Variants in HIF1AN observed in about 807,000 individuals in gnomAD.
HIF1AN encodes the protein hypoxia-inducible factor 1-alpha inhibitor.
HIF1AN carries 21 observed loss-of-function variants against 47.7 expected under a neutral mutation model. The ratio of observed to expected loss-of-function variants is 0.44; its 90% confidence interval spans 0.31 to 0.63. HIF1AN has a LOEUF of 0.63. Among genes scored for constraint, HIF1AN ranks in the 30% least tolerant of loss-of-function variants. The probability of loss-of-function intolerance (pLI) is 0.07; values close to 1 mark genes in which losing one functional copy is unlikely to be tolerated. For synonymous variants in HIF1AN, 152 were observed against 155.9 expected (o/e 0.98, Z 0.18); for missense variants, 320 against 432.7 (o/e 0.74, Z 2.31).
chr10:100,546,660 A>G, intron 6 of HIF1AN, 79 bp downstream of exon 6: 1 of 1,077,898 alleles, frequency 9.3e-7, no homozygotes, highest in South Asian at 1.3e-5. Context: ...ATGATTTTGG[A>G]TGGGATGGTT....
chr10:100,546,394 A>G (rs1843093879), intron 5 of HIF1AN, 124 bp from the exon 6 acceptor site: 4 of 733,482 alleles, frequency 5.5e-6, no homozygotes, highest in Admixed American at 2.3e-5. Context: ...TATTGTCTTC[A>G]CTATTTTCCG....
chr10:100,545,329 C>T (rs1435958184), intron 4 of HIF1AN: 1 of 459,590 alleles, frequency 2.2e-6, no homozygotes, highest in East Asian at 3.2e-5. Context: ...TCAGGACAGA[C>T]ACTGTCATTG....
chr10:100,546,196 A>C, intron 5 of HIF1AN, 147 bp downstream of exon 5: 1 of 650,782 alleles, frequency 1.5e-6, no homozygotes, highest in Non-Finnish European at 2.7e-6. Flanking sequence ...GAGCGTACTG[A>C]ACCTGTGGGG....
At chr10:100,546,248 A>G (rs1843092800) in intron 5 of HIF1AN, among the ~76,000 whole-genome samples, 199 bp downstream of exon 5, 1 of 152,056 alleles carries the variant, frequency 6.6e-6, no homozygotes, top group Non-Finnish European at 1.5e-5. Flanking sequence ...GGACAGGATG[A>G]CGGTTCTTCA....
intron 1 of HIF1AN, 21 bp downstream of exon 1, chr10:100,536,156 T>C (rs754310456): frequency 4.6e-5 from 72 of 1,572,914 alleles, no homozygotes; most frequent in Non-Finnish European, 5.9e-5. Flanking sequence ...GGGCCGCGTC[T>C]AAAGGGAGAG....
chr10:100,537,685 G>A (rs1034782559), intron 2 of HIF1AN, among the ~76,000 whole-genome samples: 1 of 152,152 alleles, frequency 6.6e-6, no homozygotes, highest in African/African-American at 2.4e-5. Context: ...AATTGCTTTC[G>A]CTCAGTACTT....
At position 100,536,571 on chromosome 10, in the gene HIF1AN, A is replaced by G. The variant is rs1489465815; in HGVS notation, c.338A>G (p.Asn113Ser). ...YDEKKMANFQ[N>S]FKPRSNREEM... is the part of the protein sequence containing the mutation. ...GAGAAGAAGATGGCCAATTTCCAGA[A>G]CTTTAAGCCGAGGTCCAACAGGGAA... is the stretch of plus-strand genomic sequence containing the variant. Residue 113 changes from asparagine (N) to serine (S), a missense_variant, in exon 2 of 8, where the codon AAC becomes AGC. Asn to Ser is a conservative substitution (Grantham distance 46). Transcript: ENST00000299163. The G allele has an allele frequency of 2.5e-6, 4 of 1,614,202 alleles. No homozygotes were observed. The Admixed American group carries it at 6.7e-5, about 27-fold the overall frequency.
Position 100,548,218 on chromosome 10 carries a change from G to A in HIF1AN, c.*81G>A, listed in dbSNP as rs750260696. The A allele has an allele frequency of 1.6e-6, 2 of 1,247,960 alleles. No individual in the cohort carries two copies. Among genetic ancestry groups the A allele is most frequent in the Non-Finnish European group, 2.2e-6 (2 of 893,780 alleles). The allele number at this position is 1,247,960 out of a possible 1,614,324, so 77.3% of individuals were successfully genotyped here. A position where few individuals can be genotyped will look rare whatever the true frequency, so the allele number is the denominator to read the frequency against. On this transcript the variant is annotated 3_prime_UTR_variant, in exon 8 of 8. Coordinates refer to ENST00000299163, the MANE Select transcript of HIF1AN (RefSeq NM_017902.3). Reference sequence around the variant, plus strand: ...CATTGATGAGGACAGGAGACTCCAAGCGCTAGTATTGCACGCTGCACTTAA... The same window carrying A: ...CATTGATGAGGACAGGAGACTCCAAACGCTAGTATTGCACGCTGCACTTAA...
chr10:100,544,874 T>C (rs1044368500), intron 3 of HIF1AN, 77 bp from the exon 4 acceptor site: 8 of 1,428,436 alleles, frequency 5.6e-6, no homozygotes, highest in Non-Finnish European at 6.8e-6. Flanking sequence ...TGGGTTTCTC[T>C]TTAGCACTGG....
chr10:100,542,845 T>TG (rs1843053146), intron 3 of HIF1AN, among the ~76,000 whole-genome samples: 4 of 60,250 alleles, frequency 6.6e-5, no homozygotes, highest in East Asian at 3.8e-4. Flanking sequence ...TATGTGAATG[T>TG]GTTTTTTTTT....
rs1436815114 is a variant in HIF1AN at position 100,556,295 on chromosome 10, TA to T, written c.*8163del. The T allele has an allele frequency of 6.6e-6, 1 of 152,090 alleles. No homozygotes were observed. Among genetic ancestry groups the T allele is most frequent in the Non-Finnish European group, 1.5e-5 (1 of 68,030 alleles). The allele number at this position is 152,090 out of a possible 1,614,324, so 9.4% of individuals were successfully genotyped here. A position where few individuals can be genotyped will look rare whatever the true frequency, so the allele number is the denominator to read the frequency against. The stretch of plus-strand genomic sequence containing the variant: ...CTTCCAAAAATATTTTTAACAATAC[TA>T]AAAATACCTGAAACATACTGGGTGA... On this transcript the variant is annotated 3_prime_UTR_variant, in exon 8 of 8. Coordinates refer to ENST00000299163, the MANE Select transcript of HIF1AN (RefSeq NM_017902.3).
chr10:100,536,285 G>A, intron 1 of HIF1AN, 126 bp from the exon 2 acceptor site: 2 of 1,346,388 alleles, frequency 1.5e-6, no homozygotes, highest in Non-Finnish European at 2.1e-6. Context: ...ACGGAACTTA[G>A]GGGTTCGTGC....
In HIF1AN at chr10:100,550,993, CACAT is replaced by C. The variant is rs1396664101; in HGVS notation, c.*2860_*2863del. The C allele has an allele frequency of 2.6e-5, 4 of 152,252 alleles. No individual in the cohort carries two copies. Among genetic ancestry groups the C allele is most frequent in the Admixed American group, 2.0e-4 (3 of 15,280 alleles). 9.4% of individuals were successfully genotyped at this position (152,252 alleles called of 1,614,324 possible). A position where few individuals can be genotyped will look rare whatever the true frequency, so the allele number is the denominator to read the frequency against. On this transcript the variant is annotated 3_prime_UTR_variant, in exon 8 of 8. Transcript: ENST00000299163. ...ATCCTAGCTGGCAGTGTGGGACACA[CACAT>C]ACAGCAAGTGAAGGTGGGGGTTTGG...
At chr10:100,544,804 T>C (rs2133726698) in intron 3 of HIF1AN, 147 bp from the exon 4 acceptor site, 2 of 683,546 alleles carry the variant, frequency 2.9e-6, no homozygotes, top group Non-Finnish European at 5.0e-6. Flanking sequence ...AGAGTTGTAA[T>C]TGGAATTTCC....
Position 100,536,482 on chromosome 10 carries a change from G to T in HIF1AN, c.249G>T (p.Glu83Asp). The change falls in exon 2 of 8, where the codon GAG (glutamate) becomes GAT (aspartate). Residue 83 changes from glutamate to aspartate, a missense_variant. Glu to Asp is a conservative substitution (Grantham distance 45). Coordinates refer to ENST00000299163, the MANE Select transcript of HIF1AN (RefSeq NM_017902.3). The stretch of plus-strand genomic sequence containing the variant: ...AATGGGACCTTGAATACCTGCAAGA[G>T]AATATTGGCAATGGAGACTTCTCTG... The part of the protein sequence containing the change: ...ALKWDLEYLQ[E>D]NIGNGDFSVY... The T allele has an allele frequency of 1.9e-6, 3 of 1,614,152 alleles. No individual in the cohort carries two copies. The highest frequency in any genetic ancestry group is 2.5e-6 in the Non-Finnish European group (3 of 1,180,020).
intron 3 of HIF1AN, among the ~76,000 whole-genome samples, chr10:100,543,700 T>G (rs151208509): frequency 1.3e-5 from 2 of 152,174 alleles, no homozygotes; most frequent in Non-Finnish European, 2.9e-5. Flanking sequence ...GCCTCCCAAG[T>G]AGCTGGGACT....
intron 1 of HIF1AN, 101 bp from the exon 2 acceptor site, chr10:100,536,310 A>G (rs1161421604): frequency 2.1e-6 from 3 of 1,439,492 alleles, no homozygotes; most frequent in Admixed American, 1.9e-5. Flanking sequence ...TAACAGGAGA[A>G]ATTATTCTGA....
In HIF1AN at chr10:100,547,128, C is replaced by A; in HGVS notation, c.895-12C>A. 1 of 1,596,850 alleles carries A rather than the reference C, an allele frequency of 6.3e-7. No homozygotes were observed. The highest frequency in any genetic ancestry group is 8.6e-7 in the Non-Finnish European group (1 of 1,165,848). On this transcript the variant is annotated splice_polypyrimidine_tract_variant and intron_variant, in intron 6 of 7. Coordinates refer to ENST00000299163, the MANE Select transcript of HIF1AN (RefSeq NM_017902.3). ...GCTAAAGGCATTTCCTGAGCTACTG[C>A]TTCCTTTGTAGGGGGCTCCCACCCC...
rs767591605 is a variant in HIF1AN at position 100,540,760 on chromosome 10, C to T, written c.555C>T (p.Asn185=). The change falls in exon 3 of 8, where the codon AAC becomes AAT. Residue 185 remains asparagine (N), a synonymous_variant. Coordinates refer to ENST00000299163, the MANE Select transcript of HIF1AN (RefSeq NM_017902.3). ...GKRGWGQLTS[N]LLLIGMEGNV... ...GTGGCTGGGGGCAGCTTACCTCTAACCTGCTGCTCATTGGCATGGAAGGTA... is the reference window on the plus strand; with the variant it reads ...GTGGCTGGGGGCAGCTTACCTCTAATCTGCTGCTCATTGGCATGGAAGGTA... 3 of 1,610,200 alleles carry T rather than the reference C, an allele frequency of 1.9e-6. No homozygotes were observed. The highest frequency in any genetic ancestry group is 1.3e-5 in the African/African-American group (1 of 74,584).
Sources: gnomAD v4.1 joint callset for allele counts (sites outside exome capture counted in the v4.1 genomes callset) on GRCh38, gnomAD v4.1.1 for gene constraint, MANE v1.5 for transcripts, NCBI Gene and HGNC (gene_info 2026-07-23, HGNC 2026-07-21) for gene names.